XYLT1: variants seen among roughly 807,000 people sequenced by gnomAD.
XYLT1 encodes the protein xylosyltransferase 1.
XYLT1 carries 36 observed loss-of-function variants against 91.3 expected under a neutral mutation model. The observed-to-expected ratio is 0.39, with a 90% CI of 0.30 to 0.52. The LOEUF is 0.52. XYLT1 is among the 20% of genes least tolerant of loss of function. XYLT1 has a pLI of 0.68. For synonymous variants in XYLT1, 588 were observed against 532.0 expected (o/e 1.11, Z -1.45); for missense variants, 1,242 against 1,284.5 (o/e 0.97, Z 0.51).
chr16:17,188,185 C>G (rs1056703744), intron 5 of XYLT1, among the ~76,000 whole-genome samples: 16 of 152,044 alleles, frequency 1.1e-4, no homozygotes, highest in African/African-American at 3.9e-4. Context: ...GCTCTGGGGT[C>G]AGTAGAAGCA....
rs150531859 is a variant in XYLT1, at chr16:17,259,461, C to T, written c.440G>A (p.Arg147Gln). Residue 147 changes from arginine to glutamine, a missense_variant, in exon 3 of 12, where the codon CGA (arginine) becomes CAA (glutamine). By Grantham distance (43) the Arg-to-Gln change is conservative (BLOSUM62 1). This residue lies in a region of XYLT1 where 437 missense variants were observed against 411.5 expected (regional missense o/e 1.06). Transcript: ENST00000261381. ...YFSHRPKEKVRTDSNNENSVP... is the reference protein window; with the variant it reads ...YFSHRPKEKVQTDSNNENSVP... Reference sequence around the variant, plus strand: ...AGAGTTCTCGTTGTTGCTGTCTGTTCGCACTTTCTCTTTCGGCCGATGAGA... The same window carrying T: ...AGAGTTCTCGTTGTTGCTGTCTGTTTGCACTTTCTCTTTCGGCCGATGAGA... 571 of 1,611,844 alleles carry T rather than the reference C, an allele frequency of 3.5e-4. No individual in the cohort carries two copies. Among genetic ancestry groups the T allele is most frequent in the Non-Finnish European group, 4.6e-4 (543 of 1,179,060 alleles).
rs1294124774 is a variant in XYLT1 at position 17,138,727 on chromosome 16, A to AAATT, written c.1588-200_1588-197dup. On this transcript the variant is annotated intron_variant, in intron 7 of 11. Transcript: ENST00000261381. Reference sequence around the variant, plus strand: ...AGCCAAATAAACCTCTTTTCTTTATAAATTACCAAGCCTCAGATTTTCCTT... The same window carrying AAATT: ...AGCCAAATAAACCTCTTTTCTTTATAAATTAATTACCAAGCCTCAGATTTTCCTT... 47 of 563,950 alleles carry AAATT rather than the reference A, an allele frequency of 8.3e-5. No homozygotes were observed. The East Asian group carries it at 9.1e-4, about 11-fold the overall frequency. 34.9% of individuals were successfully genotyped at this position (563,950 alleles called of 1,614,324 possible).
chr16:17,173,864 G>A (rs539803270), intron 5 of XYLT1, among the ~76,000 whole-genome samples: 4 of 152,326 alleles, frequency 2.6e-5, no homozygotes, highest in East Asian at 3.9e-4. Context: ...TGTCTAAGTT[G>A]AGCAAAGATT....
chr16:17,216,209 T>A (rs1001688012), intron 3 of XYLT1, among the ~76,000 whole-genome samples: 29 of 152,180 alleles, frequency 1.9e-4, no homozygotes, highest in African/African-American at 7.0e-4. Flanking sequence ...ACTCGCAGGC[T>A]CAATAAATAC....
chr16:17,115,511 G>A (rs565855878), intron 11 of XYLT1, among the ~76,000 whole-genome samples: 1 of 147,646 alleles, frequency 6.8e-6, no homozygotes, highest in Non-Finnish European at 1.5e-5. Flanking sequence ...ACAGAACCTC[G>A]CTCTGTCACC....
At chr16:17,213,804 G>C (rs1445904679) in intron 3 of XYLT1, among the ~76,000 whole-genome samples, 2 of 151,996 alleles carry the variant, frequency 1.3e-5, no homozygotes, top group East Asian at 3.9e-4. Flanking sequence ...ATTTTTAGTA[G>C]AGACAGTTTT....
chr16:17,133,392 A>C (rs2030572730), intron 9 of XYLT1, among the ~76,000 whole-genome samples: 1 of 152,204 alleles, frequency 6.6e-6, no homozygotes, highest in Non-Finnish European at 1.5e-5. Flanking sequence ...AAATAATCAA[A>C]AGAGAGAATG....
At chr16:17,373,246 G>A (rs1369499819) in intron 1 of XYLT1, among the ~76,000 whole-genome samples, 1 of 152,144 alleles carries the variant, frequency 6.6e-6, no homozygotes, top group Non-Finnish European at 1.5e-5. Context: ...CCAAGCAAAA[G>A]CTCTGGCATC....
At chr16:17,212,671 G>A (rs897454661) in intron 3 of XYLT1, among the ~76,000 whole-genome samples, 3 of 151,866 alleles carry the variant, frequency 2.0e-5, no homozygotes, top group Admixed American at 6.6e-5. Context: ...GACTTCCCCC[G>A]ACCCCATTCA....
intron 1 of XYLT1, among the ~76,000 whole-genome samples, chr16:17,420,553 G>T (rs753723095): frequency 6.6e-6 from 1 of 152,006 alleles, no homozygotes; most frequent in Non-Finnish European, 1.5e-5. Flanking sequence ...GCTATCCAAG[G>T]CTTCTTCTAT....
At chr16:17,116,958 CTT>C (rs896694275) in intron 11 of XYLT1, among the ~76,000 whole-genome samples, 4 of 152,060 alleles carry the variant, frequency 2.6e-5, no homozygotes, top group African/African-American at 9.7e-5. Context: ...TTTTTCCTCT[CTT>C]TTATAGCAGG....
At chr16:17,403,276 G>T (rs138419379) in intron 1 of XYLT1, among the ~76,000 whole-genome samples, 8 of 152,272 alleles carry the variant, frequency 5.3e-5, no homozygotes, top group Admixed American at 1.3e-4. Flanking sequence ...AAGGGCAGGC[G>T]TCTTGCCCAA....
intron 5 of XYLT1, among the ~76,000 whole-genome samples, chr16:17,187,047 C>T (rs1567313783): frequency 6.6e-6 from 1 of 151,980 alleles, no homozygotes; most frequent in African/African-American, 2.4e-5. Context: ...ATGGGGGAAC[C>T]AGAAGGGTGA....
chr16:17,398,389 G>T (rs906141814), intron 1 of XYLT1, among the ~76,000 whole-genome samples: 2 of 152,176 alleles, frequency 1.3e-5, no homozygotes, highest in African/African-American at 4.8e-5. Context: ...CAAGACTAAA[G>T]GGCAGAGACA....
Position 17,416,747 on chromosome 16 carries a change from C to T in XYLT1, c.363+53687G>A, listed in dbSNP as rs13334429. ...ACGGAATTCTCAGCGGCTGCCTCCA[C>T]CAGGGGTTGCCAGGGGCAAGCATCT... On this transcript the variant is annotated intron_variant, in intron 1 of 11. Transcript: ENST00000261381. 5.9e-3 allele frequency among the ~76,000 whole-genome samples: 902 copies of T among 152,298 alleles called. 13 individuals are homozygous for T. The highest frequency in any genetic ancestry group is 0.021 in the African/African-American group (865 of 41,550).
intron 5 of XYLT1, 72 bp downstream of exon 5, chr16:17,198,140 G>C (rs1006178872): frequency 5.2e-6 from 8 of 1,532,558 alleles, no homozygotes; most frequent in Admixed American, 1.7e-5. Flanking sequence ...CTTCTGCCTC[G>C]TGAGTTCCCA....
rs116794316 is a variant in XYLT1, at chr16:17,102,397, T to A, written c.*6298A>T. The A allele has an allele frequency of 2.6e-3, 392 of 152,770 alleles. 2 individuals carry two copies. Among genetic ancestry groups the A allele is most frequent in the African/African-American group, 9.1e-3 (377 of 41,574 alleles). The allele number at this position is 152,770 out of a possible 1,614,324, so 9.5% of individuals were successfully genotyped here. A position where few individuals can be genotyped will look rare whatever the true frequency, so the allele number is the denominator to read the frequency against. On this transcript the variant is annotated 3_prime_UTR_variant, in exon 12 of 12. Coordinates refer to ENST00000261381, the MANE Select transcript of XYLT1 (RefSeq NM_022166.4). ...CACAGTATGACAGAAAGCATCTATATACACCTGCAGTGTTTTTGGTATGAT... is the reference window on the plus strand; with the variant it reads ...CACAGTATGACAGAAAGCATCTATAAACACCTGCAGTGTTTTTGGTATGAT...
intron 11 of XYLT1, among the ~76,000 whole-genome samples, chr16:17,110,912 C>T (rs975427630): frequency 4.6e-5 from 7 of 152,176 alleles, no homozygotes; most frequent in Admixed American, 6.5e-5. Context: ...GTAATCCTAG[C>T]GCTTTGTGAG....
At chr16:17,450,338 AAAACAAAC>A (rs1183694789) in intron 1 of XYLT1, among the ~76,000 whole-genome samples, 5 of 151,750 alleles carry the variant, frequency 3.3e-5, no homozygotes, top group South Asian at 4.2e-4. Context: ...ACTCCGTCTC[AAAACAAAC>A]AAACAAACAA....
Sources: allele counts gnomAD v4.1 joint callset (sites outside exome capture counted in the v4.1 genomes callset), GRCh38; gene constraint gnomAD v4.1.1; regional missense constraint gnomAD v4.1.1; transcripts MANE v1.5; gene names NCBI Gene and HGNC (gene_info 2026-07-23, HGNC 2026-07-21).